Variants in PCDHGA4 observed in about 807,000 individuals in gnomAD.
The protein encoded by PCDHGA4 is protocadherin gamma subfamily A, 4.
A neutral mutation model predicts 54.6 loss-of-function variants in PCDHGA4; 38 were observed. That is an observed-to-expected ratio of 0.70 (90% CI 0.54 to 0.91). The LOEUF is 0.91. Among genes scored for constraint, PCDHGA4 ranks in the 40% least tolerant of loss-of-function variants. PCDHGA4 has a pLI of 0.00. For missense variants in PCDHGA4, 1,298 were observed against 1,220.9 expected (o/e 1.06, Z -0.94); for synonymous variants, 511 against 512.9 (o/e 1.00, Z 0.05).
chr5:141,366,586 CTA>C, intron 1 of PCDHGA4: 1 of 1,614,262 alleles, frequency 6.2e-7, no homozygotes, highest in Non-Finnish European at 8.5e-7. Flanking sequence ...TCCTGCAGAC[CTA>C]TTCCCACGAG....
chr5:141,412,209 T>G (rs917646798), intron 1 of PCDHGA4: 2 of 152,248 alleles, frequency 1.3e-5, no homozygotes. Flanking sequence ...TCATTTGACA[T>G]AAACACTTAC....
rs1173771781 is a variant in PCDHGA4 at position 141,486,312 on chromosome 5, G to A, written c.2515-8495G>A. Reference sequence around the variant, plus strand: ...ATCAGTGTGCAGGATCCAGACTCAGGGTCAAACGGAGATGTGAGCCTCCGC... The same window carrying A: ...ATCAGTGTGCAGGATCCAGACTCAGAGTCAAACGGAGATGTGAGCCTCCGC... On this transcript the variant is annotated intron_variant, in intron 1 of 3. Coordinates refer to ENST00000571252, the MANE Select transcript of PCDHGA4 (RefSeq NM_018917.4). The surrounding 1 kb of genome is among the most constrained non-coding windows in gnomAD (Gnocchi z 5.0). The A allele has an allele frequency of 1.2e-6, 2 of 1,613,864 alleles. No individual in the cohort carries two copies. Among genetic ancestry groups the A allele is most frequent in the African/African-American group, 1.3e-5 (1 of 74,842 alleles).
chr5:141,357,256 G>A lies in PCDHGA4; in HGVS notation c.2149G>A (p.Asp717Asn). 1 of 1,613,738 alleles carries A rather than the reference G, an allele frequency of 6.2e-7. No homozygotes were observed. The highest frequency in any genetic ancestry group is 8.5e-7 in the Non-Finnish European group (1 of 1,179,716). Residue 717 changes from aspartate (D) to asparagine (N), a missense_variant, in exon 1 of 4, where the codon GAC (aspartate) becomes AAC (asparagine). Transcript: ENST00000571252. ...GSLKPSADPD[D>N]SGLTLYLVVA... ...CCTCAAGCCTTCAGCAGACCCAGAC[G>A]ACTCGGGCCTCACACTCTATCTCGT...
chr5:141,427,776 G>A (rs3828681), intron 1 of PCDHGA4: 73,622 of 1,424,156 alleles, frequency 0.052, 2,339 homozygotes, highest in African/African-American at 0.13. Flanking sequence ...GGAGCTGCGG[G>A]CACTGTCGTC....
At chr5:141,364,703 G>T (rs1281129906) in intron 1 of PCDHGA4, 4 of 1,613,812 alleles carry the variant, frequency 2.5e-6, no homozygotes, top group Non-Finnish European at 2.5e-6. Context: ...AGAAATAATC[G>T]ATATTAATGA....
intron 1 of PCDHGA4, among the ~76,000 whole-genome samples, chr5:141,451,430 T>C (rs1441183396): frequency 2.0e-5 from 3 of 152,240 alleles, no homozygotes; most frequent in Non-Finnish European, 4.4e-5. Context: ...AGACTAAGGG[T>C]TCCAGTTCCT....
At chr5:141,357,653 C>G (rs1478258336) in intron 1 of PCDHGA4, 32 bp downstream of exon 1, 1 of 1,607,882 alleles carries the variant, frequency 6.2e-7, no homozygotes, top group South Asian at 1.1e-5. Flanking sequence ...TCATACCACA[C>G]TGAAATATAG....
intron 1 of PCDHGA4, chr5:141,382,906 G>A (rs1778564792): frequency 6.5e-7 from 1 of 1,544,848 alleles, no homozygotes; most frequent in Non-Finnish European, 8.7e-7. Context: ...GACTATGGCG[G>A]CTCAGCCGAG....
At chr5:141,392,799 T>A in intron 1 of PCDHGA4, 1 of 1,570,210 alleles carries the variant, frequency 6.4e-7, no homozygotes, top group Non-Finnish European at 8.6e-7. Flanking sequence ...GAGAGGATTC[T>A]GCAGCAAAAC....
rs1382855379 is a variant in PCDHGA4 at position 141,361,380 on chromosome 5, C to T, written c.2514+3759C>T. 6 of 1,613,850 alleles carry T rather than the reference C, an allele frequency of 3.7e-6. 1 individual carries two copies. In the African/African-American group the frequency reaches 4.0e-5, roughly 11 times the overall value. ...ACGGCGCTCTGGACCGGGAGGAGAT[C>T]CCAGAATACAATCTCACCATCACAG... On this transcript the variant is annotated intron_variant, in intron 1 of 3. Transcript: ENST00000571252.
At chr5:141,443,059 A>G (rs148799842) in intron 1 of PCDHGA4, among the ~76,000 whole-genome samples, 145 of 152,348 alleles carry the variant, frequency 9.5e-4, no homozygotes, top group African/African-American at 3.3e-3. Context: ...GTTCCACTGA[A>G]GAGCGTCTTA....
At chr5:141,447,576 A>G (rs758449068) in intron 1 of PCDHGA4, among the ~76,000 whole-genome samples, 6 of 152,214 alleles carry the variant, frequency 3.9e-5, no homozygotes, top group African/African-American at 7.2e-5. Context: ...CTATGTCCAC[A>G]CATACCTTAA....
Position 141,486,319 on chromosome 5 carries a change from C to T in PCDHGA4, c.2515-8488C>T, listed in dbSNP as rs148184642. The T allele has an allele frequency of 1.7e-4, 268 of 1,614,058 alleles. No individual in the cohort carries two copies. The African/African-American group carries it at 1.7e-3, about 10-fold the overall frequency. Reference sequence around the variant, plus strand: ...TGCAGGATCCAGACTCAGGGTCAAACGGAGATGTGAGCCTCCGCATTCCTG... The same window carrying T: ...TGCAGGATCCAGACTCAGGGTCAAATGGAGATGTGAGCCTCCGCATTCCTG... On this transcript the variant is annotated intron_variant, in intron 1 of 3. Transcript: ENST00000571252. The surrounding 1 kb of genome is among the most constrained non-coding windows in gnomAD (Gnocchi z 5.0).
At chr5:141,420,215 A>G in intron 1 of PCDHGA4, 2 of 1,612,096 alleles carry the variant, frequency 1.2e-6, no homozygotes, top group South Asian at 1.1e-5. Context: ...CAAAGATAGC[A>G]TGCTACTGGC....
chr5:141,420,846 T>C (rs2096528755), intron 1 of PCDHGA4, among the ~76,000 whole-genome samples: 1 of 152,252 alleles, frequency 6.6e-6, no homozygotes, highest in Non-Finnish European at 1.5e-5. Context: ...GTGTTCTTGG[T>C]AAAGTTTTAA....
chr5:141,391,238 T>A (rs1388439892), intron 1 of PCDHGA4: 1 of 152,120 alleles, frequency 6.6e-6, no homozygotes, highest in Non-Finnish European at 1.5e-5. Flanking sequence ...TTGCTAGGTA[T>A]ATCTAAGCAA....
At chr5:141,404,776 A>C in intron 1 of PCDHGA4, 1 of 1,613,070 alleles carries the variant, frequency 6.2e-7, no homozygotes, top group Non-Finnish European at 8.5e-7. Context: ...CCTACCGCCT[A>C]TTCAAGGCCA....
intron 1 of PCDHGA4, chr5:141,410,353 C>T: frequency 1.9e-6 from 3 of 1,614,078 alleles, no homozygotes; most frequent in Non-Finnish European, 2.5e-6. Flanking sequence ...GCCTGCGACG[C>T]TCTCTCAGCC....
At position 141,490,688 on chromosome 5, in the gene PCDHGA4, C is replaced by A; in HGVS notation, c.2515-4119C>A. ...ACTGTGGCTGCCTCAGATCCAGACA[C>A]TGGGGATAATGCCCGCCTCACCTAC... On this transcript the variant is annotated intron_variant, in intron 1 of 3. Coordinates refer to ENST00000571252, the MANE Select transcript of PCDHGA4 (RefSeq NM_018917.4). The surrounding 1 kb of genome is among the most constrained non-coding windows in gnomAD (Gnocchi z 5.4). The A allele has an allele frequency of 6.2e-7, 1 of 1,614,218 alleles. No individual in the cohort carries two copies. The highest frequency in any genetic ancestry group is 8.5e-7 in the Non-Finnish European group (1 of 1,180,032).
Sources: allele counts gnomAD v4.1 joint callset (sites outside exome capture counted in the v4.1 genomes callset), GRCh38; gene constraint gnomAD v4.1.1; non-coding constraint Gnocchi (gnomAD v3.1); transcripts MANE v1.5; gene names NCBI Gene and HGNC (gene_info 2026-07-23, HGNC 2026-07-21).